The following IRAK1BP1 variants were observed in gnomAD, a reference collection of about 807,000 sequenced individuals.
IRAK1BP1 encodes interleukin-1 receptor-associated kinase 1-binding protein 1.
In IRAK1BP1, 24 loss-of-function variants were observed where a neutral mutation model predicts 28.0. The observed-to-expected ratio is 0.86, with a 90% confidence interval of 0.62 to 1.20. The LOEUF (loss-of-function observed/expected upper bound fraction) is 1.20, where lower values mean the gene tolerates loss of function less well. Among genes scored for constraint, IRAK1BP1 ranks in the 50% most tolerant of loss-of-function variants. IRAK1BP1 has a pLI of 0.00. For synonymous variants in IRAK1BP1, 131 were observed against 116.3 expected, an observed-to-expected ratio of 1.13 and a Z score of -0.81; for missense variants, 336 against 316.7, an observed-to-expected ratio of 1.06 and a Z score of -0.46.
downstream of IRAK1BP1, among the ~76,000 whole-genome samples, chr6:78,948,648 C>T (rs577951887): frequency 2.0e-5 from 3 of 152,230 alleles, no homozygotes; most frequent in African/African-American, 7.2e-5. Flanking sequence ...GCAGGCGCTA[C>T]CACACCCAGC....
intron 2 of IRAK1BP1, among the ~76,000 whole-genome samples, chr6:78,893,324 ATATATATATAT>A (rs1001561000): frequency 1.4e-5 from 1 of 69,874 alleles, no homozygotes; most frequent in Non-Finnish European, 3.5e-5. Context: ...GTATATATAT[ATATATATATAT>A]ATATATATAT....
intron 4 of IRAK1BP1, among the ~76,000 whole-genome samples, chr6:78,918,540 T>G (rs1386458464): frequency 2.3e-5 from 3 of 130,528 alleles, no homozygotes; most frequent in Admixed American, 8.6e-5. Context: ...AGGTCATGGT[T>G]GTTATATCAG....
chr6:78,972,013 G>A, the IRAK1BP1 span, among the ~76,000 whole-genome samples: 139 of 152,062 alleles, frequency 9.1e-4, no homozygotes, highest in Non-Finnish European at 1.7e-3. Context: ...GCTCGAACTG[G>A]GTGGAGCCCA....
At chr6:78,893,271 TGTA>T (rs1771731106) in intron 2 of IRAK1BP1, among the ~76,000 whole-genome samples, 1 of 122,956 alleles carries the variant, frequency 8.1e-6, no homozygotes, top group South Asian at 3.2e-4. Context: ...AACTAAAAGG[TGTA>T]TATATATGTG....
At position 78,897,976 on chromosome 6, in the gene IRAK1BP1, C is replaced by T. The variant is rs1205149150; in HGVS notation, c.512+17C>T. The T allele has an allele frequency of 6.2e-7, 1 of 1,612,202 alleles. No homozygotes were observed. The highest frequency in any genetic ancestry group is 8.5e-7 in the Non-Finnish European group (1 of 1,179,344). On this transcript the variant is annotated intron_variant, in intron 3 of 3. Coordinates refer to ENST00000369940, the MANE Select transcript of IRAK1BP1 (RefSeq NM_001010844.4). The stretch of plus-strand genomic sequence containing the variant: ...GAATCTTCGGTAAGTTTAAGCACAT[C>T]TTTAACTAAGATATTCTTTAAACAA...
intron 4 of IRAK1BP1, among the ~76,000 whole-genome samples, chr6:78,910,258 A>AT (rs1772368747): frequency 6.6e-6 from 1 of 152,158 alleles, no homozygotes. Flanking sequence ...GCGAGGGCCT[A>AT]TCAGTTACAA....
chr6:78,871,814 T>G, intron 1 of IRAK1BP1: 2 of 386,960 alleles, frequency 5.2e-6, no homozygotes, highest in Non-Finnish European at 4.6e-6. Context: ...CAGTGGATAA[T>G]TGAGATTTTA....
intron 4 of IRAK1BP1, chr6:78,936,455 C>A (rs1190018352): frequency 1.3e-5 from 2 of 151,874 alleles, no homozygotes; most frequent in Non-Finnish European, 3.0e-5. Context: ...AATCAACACA[C>A]ACAATCTTAA....
the IRAK1BP1 span, among the ~76,000 whole-genome samples, chr6:78,972,743 G>C: frequency 6.6e-5 from 10 of 152,256 alleles, no homozygotes; most frequent in Non-Finnish European, 2.9e-5. Flanking sequence ...AGAAGCCTCA[G>C]GAGCCGATGC....
chr6:78,879,532 C>T (rs1281878175), intron 1 of IRAK1BP1, among the ~76,000 whole-genome samples: 9 of 152,114 alleles, frequency 5.9e-5, no homozygotes, highest in African/African-American at 2.2e-4. Flanking sequence ...AAATGAACCT[C>T]CACACTCACC....
downstream of IRAK1BP1, among the ~76,000 whole-genome samples, chr6:78,949,199 A>G (rs551280496): frequency 6.6e-6 from 1 of 152,248 alleles, no homozygotes; most frequent in South Asian, 2.1e-4. Flanking sequence ...TTTATAATGA[A>G]TTAATGTCTC....
intron 1 of IRAK1BP1, among the ~76,000 whole-genome samples, chr6:78,877,762 G>A (rs1021782114): frequency 3.3e-5 from 5 of 152,158 alleles, no homozygotes; most frequent in East Asian, 1.9e-4. Context: ...CGTGACAGAC[G>A]GCACCTGGAA....
chr6:78,907,932 C>G (rs1772301291), downstream of IRAK1BP1, among the ~76,000 whole-genome samples: 1 of 151,746 alleles, frequency 6.6e-6, no homozygotes, highest in Non-Finnish European at 1.5e-5. Flanking sequence ...ATTGGCCAGG[C>G]TGGTCTCAAA....
chr6:78,943,738 A>G (rs1022219280), intron 4 of IRAK1BP1, among the ~76,000 whole-genome samples: 8 of 151,982 alleles, frequency 5.3e-5, no homozygotes, highest in Non-Finnish European at 8.8e-5. Context: ...TGAAATCACA[A>G]TACTTTGGGA....
At chr6:78,916,526 C>G (rs1344698702) in intron 4 of IRAK1BP1, among the ~76,000 whole-genome samples, 1 of 152,168 alleles carries the variant, frequency 6.6e-6, no homozygotes, top group African/African-American at 2.4e-5. Context: ...ATAATAGTAT[C>G]TGACTCATAA....
downstream of IRAK1BP1, chr6:78,946,850 A>G: frequency 6.4e-7 from 1 of 1,573,560 alleles, no homozygotes; most frequent in Non-Finnish European, 8.6e-7. Context: ...AAGAAAGCAG[A>G]CAGGCGCAAA....
intron 4 of IRAK1BP1, among the ~76,000 whole-genome samples, chr6:78,932,479 T>C (rs1218307122): frequency 6.9e-6 from 1 of 145,116 alleles, no homozygotes; most frequent in Non-Finnish European, 1.5e-5. Flanking sequence ...TGGAGTGCAA[T>C]GGTGCACTCT....
the IRAK1BP1 span, among the ~76,000 whole-genome samples, chr6:78,954,256 C>T: frequency 6.9e-6 from 1 of 145,220 alleles, no homozygotes; most frequent in Admixed American, 7.0e-5. Context: ...CACCCGCCCA[C>T]ACGCCTGGCT....
In IRAK1BP1 at chr6:78,900,040, C is replaced by G. The variant is rs1378624810; in HGVS notation, c.*1706C>G. On this transcript the variant is annotated 3_prime_UTR_variant, in exon 4 of 4. Coordinates refer to ENST00000369940, the MANE Select transcript of IRAK1BP1 (RefSeq NM_001010844.4). ...GGTTGTTCTAGCATGCCTAAAAAAT[C>G]TTGTAACTGGATCAAGTATCAGTTT... 1.3e-5 allele frequency: 2 copies of G among 152,050 alleles called. No homozygotes were observed. Among genetic ancestry groups the G allele is most frequent in the Non-Finnish European group, 2.9e-5 (2 of 67,994 alleles). The allele number at this position is 152,050 out of a possible 1,614,324, so 9.4% of individuals were successfully genotyped here.
Sources: gnomAD v4.1 joint callset for allele counts (sites outside exome capture counted in the v4.1 genomes callset) on GRCh38, gnomAD v4.1.1 for gene constraint, MANE v1.5 for transcripts, NCBI Gene and HGNC (gene_info 2026-07-23, HGNC 2026-07-21) for gene names.